Variants in C4orf33 observed in about 807,000 individuals in gnomAD.
C4orf33 encodes UPF0462 protein C4orf33.
C4orf33 carries 20 observed loss-of-function variants against 24.3 expected under a neutral mutation model. That is an observed-to-expected ratio of 0.82 (90% CI 0.58 to 1.19). The LOEUF is 1.19. Ranked by LOEUF, C4orf33 falls within the 50% of genes most tolerant of loss-of-function variation. The pLI, the probability that C4orf33 is intolerant of heterozygous loss-of-function variation, is 0.00. For synonymous variants in C4orf33, 67 were observed against 76.4 expected (o/e 0.88, Z 0.64); for missense variants, 207 against 225.9 (o/e 0.92, Z 0.54).
chr4:129,100,691 A>G (rs1753326671), intron 1 of C4orf33: 1 of 152,212 alleles, frequency 6.6e-6, no homozygotes, highest in Admixed American at 6.5e-5. Context: ...TGGTGGTTGT[A>G]TGAAGAATAA....
chr4:129,111,285 T>G (rs1753686153), intron 5 of C4orf33, among the ~76,000 whole-genome samples: 2 of 152,362 alleles, frequency 1.3e-5, no homozygotes, highest in Admixed American at 6.5e-5. Context: ...AAGAAGTCTA[T>G]CTTATCAATG....
In C4orf33 at chr4:129,112,259, CA is replaced by C. The variant is rs1266618625; in HGVS notation, c.*471del. The C allele has an allele frequency of 6.6e-6, 1 of 152,502 alleles. No individual in the cohort carries two copies. Among genetic ancestry groups the C allele is most frequent in the Non-Finnish European group, 1.5e-5 (1 of 68,326 alleles). The allele number at this position is 152,502 out of a possible 1,614,324, so 9.4% of individuals were successfully genotyped here. A position where few individuals can be genotyped will look rare whatever the true frequency, so the allele number is the denominator to read the frequency against. On this transcript the variant is annotated 3_prime_UTR_variant, in exon 6 of 6. Transcript: ENST00000425929. ...TTCCATCCATAGGAAAATGGATAGACAAACTACAATATAGTCAGTGGAATAC... is the reference window on the plus strand; with the variant it reads ...TTCCATCCATAGGAAAATGGATAGACAACTACAATATAGTCAGTGGAATAC...
intron 2 of C4orf33, among the ~76,000 whole-genome samples, chr4:129,103,510 G>A (rs1753426145): frequency 6.6e-6 from 1 of 152,064 alleles, no homozygotes; most frequent in African/African-American, 2.4e-5. Context: ...AATACGAAAT[G>A]TAGTTTTTAC....
chr4:129,104,145 A>G (rs1753446180), intron 2 of C4orf33, among the ~76,000 whole-genome samples: 1 of 152,160 alleles, frequency 6.6e-6, no homozygotes, highest in South Asian at 2.1e-4. Context: ...CCAAATCTAA[A>G]AAATTGTGAG....
At chr4:129,095,852 T>G (rs1156487007), upstream of C4orf33, among the ~76,000 whole-genome samples, 1 of 152,202 alleles carries the variant, frequency 6.6e-6, no homozygotes, top group Non-Finnish European at 1.5e-5. Flanking sequence ...ATTTATAGTT[T>G]TTGCTTATAT....
At chr4:129,107,265 G>T (rs1462095301) in intron 3 of C4orf33, among the ~76,000 whole-genome samples, 1 of 151,890 alleles carries the variant, frequency 6.6e-6, no homozygotes, top group Non-Finnish European at 1.5e-5. Flanking sequence ...GACTCTCTTT[G>T]TTCAGGTTTA....
Position 129,115,392 on chromosome 4 carries a change from T to G in C4orf33, c.*3601T>G, listed in dbSNP as rs945459166. 1 of 152,176 alleles carries G rather than the reference T, an allele frequency of 6.6e-6. No individual in the cohort carries two copies. The highest frequency in any genetic ancestry group is 1.5e-5 in the Non-Finnish European group (1 of 68,038). 9.4% of individuals were successfully genotyped at this position (152,176 alleles called of 1,614,324 possible). On this transcript the variant is annotated 3_prime_UTR_variant, in exon 6 of 6. Coordinates refer to ENST00000425929, the MANE Select transcript of C4orf33 (RefSeq NM_001099783.2). ...TCTGTATTAGTGCTTTTCTGACACC[T>G]CAGTTATGTGGAACACCTGTGGGAA...
rs1753615591 is a variant in C4orf33 at position 129,109,333 on chromosome 4, T to G, written c.269T>G (p.Leu90Arg). ...CPHGQHLVLL[L>R]SGRRNVWKQE... ...CACGGACAGCATTTAGTGCTTTTAC[T>G]TTCTGGAAGAAGAAATGTGTGGAAA... Residue 90 changes from leucine (L) to arginine (R), a missense_variant, in exon 4 of 6, where the codon CTT becomes CGT. Leu to Arg is a moderately radical substitution (Grantham distance 102, BLOSUM62 -2). Coordinates refer to ENST00000425929, the MANE Select transcript of C4orf33 (RefSeq NM_001099783.2). The G allele has an allele frequency of 6.2e-7, 1 of 1,614,056 alleles. No homozygotes were observed. The highest frequency in any genetic ancestry group is 8.5e-7 in the Non-Finnish European group (1 of 1,179,992).
chr4:129,109,289 G>T lies in C4orf33; in HGVS notation c.243-18G>T. On this transcript the variant is annotated intron_variant, in intron 3 of 5. Coordinates refer to ENST00000425929, the MANE Select transcript of C4orf33 (RefSeq NM_001099783.2). ...TTCATGTTTTTCAAACACTCATGAG[G>T]AATCTTAATTTTGACAGCCACGGAC... is the stretch of plus-strand genomic sequence containing the variant. The T allele has an allele frequency of 1.2e-6, 2 of 1,610,612 alleles. No homozygotes were observed. Among genetic ancestry groups the T allele is most frequent in the Non-Finnish European group, 1.7e-6 (2 of 1,176,892 alleles).
In C4orf33 at chr4:129,102,754, AC is replaced by A. The variant is rs754445020; in HGVS notation, c.146del (p.Pro49GlnfsTer19). On this transcript the variant is annotated frameshift_variant, in exon 2 of 6. Coordinates refer to ENST00000425929, the MANE Select transcript of C4orf33 (RefSeq NM_001099783.2). LOFTEE classifies it high-confidence loss of function. ...GGGATCCTCCAGCCCCACTTGGAGA[AC>A]CAGGAAAACCTTTCAATGAACTGTG... ...FRDPPAPLGE[P>X]GKPFNELWDY... 6.2e-7 allele frequency: 1 copy of A among 1,613,870 alleles called. No homozygotes were observed. Among genetic ancestry groups the A allele is most frequent in the East Asian group, 2.2e-5 (1 of 44,868 alleles).
At chr4:129,099,689 A>T (rs1227344018) in intron 1 of C4orf33, among the ~76,000 whole-genome samples, 1 of 152,216 alleles carries the variant, frequency 6.6e-6, no homozygotes, top group African/African-American at 2.4e-5. Context: ...GGTGAAGGAC[A>T]TTGACAATTA....
At position 129,111,872 on chromosome 4, in the gene C4orf33, T is replaced by C; in HGVS notation, c.*81T>C. ...AAAAATAAATATCAATTTTTTAAGA[T>C]GTCATGCATACATTTCAACAACAAA... On this transcript the variant is annotated 3_prime_UTR_variant, in exon 6 of 6. Coordinates refer to ENST00000425929, the MANE Select transcript of C4orf33 (RefSeq NM_001099783.2). The C allele has an allele frequency of 1.4e-6, 1 of 700,124 alleles. No homozygotes were observed. The highest frequency in any genetic ancestry group is 2.4e-6 in the Non-Finnish European group (1 of 419,470). 43.4% of individuals were successfully genotyped at this position (700,124 alleles called of 1,614,324 possible).
intron 2 of C4orf33, among the ~76,000 whole-genome samples, chr4:129,103,990 A>G (rs972336263): frequency 1.3e-5 from 2 of 152,242 alleles, no homozygotes; most frequent in African/African-American, 4.8e-5. Flanking sequence ...CTAATGGAAT[A>G]CACACTAATG....
chr4:129,111,975 G>T lies in C4orf33; in HGVS notation c.*184G>T, dbSNP rs753094627. ...TTAACAAGAAAATATATGATTCTTT[G>T]TAGATGATTTCATCTGTAAAGTCAC... On this transcript the variant is annotated 3_prime_UTR_variant, in exon 6 of 6. Transcript: ENST00000425929. 3 of 463,208 alleles carry T rather than the reference G, an allele frequency of 6.5e-6. No homozygotes were observed. Among genetic ancestry groups the T allele is most frequent in the African/African-American group, 4.0e-5 (2 of 49,926 alleles). The allele number at this position is 463,208 out of a possible 1,614,324, so 28.7% of individuals were successfully genotyped here.
rs184241011 is a variant in C4orf33 at position 129,105,324 on chromosome 4, T to C, written c.182-1263T>C. Reference sequence around the variant, plus strand: ...CTGATTGGATAAGCCCCAGCCACATTATAGAGGGAAACCTGCTCTACTAAA... The same window carrying C: ...CTGATTGGATAAGCCCCAGCCACATCATAGAGGGAAACCTGCTCTACTAAA... On this transcript the variant is annotated intron_variant, in intron 2 of 5. Transcript: ENST00000425929. Among the ~76,000 whole-genome samples the C allele has an allele frequency of 2.0e-5, 3 of 152,274 alleles. No individual in the cohort carries two copies. In the East Asian group the frequency reaches 5.8e-4, roughly 29 times the overall value.
intron 3 of C4orf33, among the ~76,000 whole-genome samples, chr4:129,107,927 A>C (rs1443273434): frequency 6.6e-6 from 1 of 152,136 alleles, no homozygotes; most frequent in African/African-American, 2.4e-5. Context: ...GAAATTACAC[A>C]GTAATCATTG....
intron 2 of C4orf33, among the ~76,000 whole-genome samples, chr4:129,103,504 C>G (rs989195015): frequency 1.3e-5 from 2 of 152,106 alleles, no homozygotes; most frequent in African/African-American, 4.8e-5. Flanking sequence ...AACCTCAATA[C>G]GAAATGTAGT....
At position 129,102,584 on chromosome 4, in the gene C4orf33, T is replaced by A. The variant is rs762379339; in HGVS notation, c.-9-18T>A. 4.5e-6 allele frequency: 7 copies of A among 1,540,960 alleles called. No homozygotes were observed. The highest frequency in any genetic ancestry group is 3.6e-5 in the South Asian group (3 of 84,296). ...TTGTATATTGTTAAAGAGTTTGTTT[T>A]AACATATTTTCTTTTAGAGACTTCA... is the stretch of plus-strand genomic sequence containing the variant. On this transcript the variant is annotated intron_variant, in intron 1 of 5. Coordinates refer to ENST00000425929, the MANE Select transcript of C4orf33 (RefSeq NM_001099783.2).
chr4:129,104,567 T>G (rs1753458319), intron 2 of C4orf33, among the ~76,000 whole-genome samples: 1 of 152,214 alleles, frequency 6.6e-6, no homozygotes, highest in Non-Finnish European at 1.5e-5. Context: ...CTGGTAAGAC[T>G]GAACTGTTCA....
Sources: allele counts gnomAD v4.1 joint callset (sites outside exome capture counted in the v4.1 genomes callset), GRCh38; gene constraint gnomAD v4.1.1; transcripts MANE v1.5; gene names NCBI Gene and HGNC (gene_info 2026-07-23, HGNC 2026-07-21).